Variants in ZNF710 observed in about 807,000 individuals in gnomAD.
ZNF710 encodes the protein zinc finger protein 710.
Under a neutral mutation model 50.6 loss-of-function variants are expected in ZNF710, and 13 were observed. The observed-to-expected ratio is 0.26, with a 90% CI of 0.17 to 0.41. ZNF710 has a LOEUF of 0.41. ZNF710 is among the 10% of genes least tolerant of loss of function. ZNF710 has a pLI of 1.00. For synonymous variants in ZNF710, 383 were observed against 397.0 expected, an observed-to-expected ratio of 0.96 and a Z score of 0.42; for missense variants, 721 against 936.6, an observed-to-expected ratio of 0.77 and a Z score of 3.01.
At chr15:90,050,822 CACT>C (rs1284402527) in intron 1 of ZNF710, among the ~76,000 whole-genome samples, 22 of 151,954 alleles carry the variant, frequency 1.4e-4, no homozygotes, top group Non-Finnish European at 1.5e-5. Context: ...TGATATTTTC[CACT>C]ACTATTTTGT....
intron 1 of ZNF710, among the ~76,000 whole-genome samples, chr15:90,019,059 G>A (rs1326466403): frequency 6.6e-6 from 1 of 151,012 alleles, no homozygotes; most frequent in Non-Finnish European, 1.5e-5. Flanking sequence ...GGGACTATAA[G>A]TAGGCAAAAA....
chr15:90,010,674 T>C (rs1898273772), intron 1 of ZNF710, among the ~76,000 whole-genome samples: 1 of 152,200 alleles, frequency 6.6e-6, no homozygotes, highest in African/African-American at 2.4e-5. Context: ...GTTCATTCTT[T>C]TGAATTGATT....
intron 2 of ZNF710, among the ~76,000 whole-genome samples, chr15:90,071,408 ACTC>A (rs1302983360): frequency 6.6e-6 from 1 of 151,772 alleles, no homozygotes; most frequent in African/African-American, 2.4e-5. Context: ...TATAAAAGAA[ACTC>A]CTGAATGGCA....
rs568677687 is a variant in ZNF710 at position 90,079,447 on chromosome 15, C to G, written c.1826-213C>G. Among the ~76,000 whole-genome samples the G allele has an allele frequency of 4.6e-5, 7 of 152,358 alleles. No individual in the cohort carries two copies. In the East Asian group the frequency reaches 9.6e-4, roughly 21 times the overall value. The stretch of plus-strand genomic sequence containing the variant: ...CCCTCACTGATAGCACCCACTCCCC[C>G]ACACTCAGCTTTGGGGCCTAGGTCT... On this transcript the variant is annotated intron_variant, in intron 4 of 4. Transcript: ENST00000268154.
intron 4 of ZNF710, chr15:90,074,723 A>G (rs1168511342): frequency 1.7e-5 from 6 of 354,690 alleles, no homozygotes; most frequent in Non-Finnish European, 3.2e-5. Flanking sequence ...ATAATATTTC[A>G]AATAAGTGTA....
chr15:90,042,846 G>A (rs1368884040), intron 1 of ZNF710, among the ~76,000 whole-genome samples: 3 of 152,256 alleles, frequency 2.0e-5, no homozygotes, highest in African/African-American at 7.2e-5. Flanking sequence ...CACGTATATT[G>A]CACCCAGCCT....
rs1900057116 is a variant in ZNF710, at chr15:90,062,975, A to T, written c.-28-4135A>T. 6.6e-6 allele frequency among the ~76,000 whole-genome samples: 1 copy of T among 152,136 alleles called. No individual in the cohort carries two copies. The highest frequency in any genetic ancestry group is 1.5e-5 in the Non-Finnish European group (1 of 68,016). On this transcript the variant is annotated intron_variant, in intron 1 of 4. Transcript: ENST00000268154. The surrounding 1 kb of genome is among the most constrained non-coding windows in gnomAD (Gnocchi z 5.6). ...TTCTACTCAGCCAAGTCTCCAGGCC[A>T]GTGTAAAAGAAAGCGTGGGGCCAAC...
At chr15:90,064,646 C>T (rs551224693) in intron 1 of ZNF710, among the ~76,000 whole-genome samples, 1 of 152,270 alleles carries the variant, frequency 6.6e-6, no homozygotes, top group South Asian at 2.1e-4. Context: ...CACCACCACG[C>T]CCGGCTAATT....
At chr15:90,027,990 T>C (rs1898828725) in intron 1 of ZNF710, among the ~76,000 whole-genome samples, 1 of 152,232 alleles carries the variant, frequency 6.6e-6, no homozygotes, top group Non-Finnish European at 1.5e-5. Context: ...AGATACTAAA[T>C]TGAGTTAATA....
chr15:90,062,262 C>A lies in ZNF710; in HGVS notation c.-28-4848C>A, dbSNP rs187110088. On this transcript the variant is annotated intron_variant, in intron 1 of 4. Transcript: ENST00000268154. The surrounding 1 kb of genome is among the most constrained non-coding windows in gnomAD (Gnocchi z 5.6). The stretch of plus-strand genomic sequence containing the variant: ...TGATATGTCCTCCCTTCCCCCACTC[C>A]CAGCACAACTACAATCAGGCAGCTC... 1.1e-3 allele frequency among the ~76,000 whole-genome samples: 170 copies of A among 151,896 alleles called. 2 individuals are homozygous for A. The highest frequency in any genetic ancestry group is 0.011 in the Admixed American group (166 of 15,266).
chr15:90,039,182 G>A (rs1406200857), intron 1 of ZNF710, among the ~76,000 whole-genome samples: 1 of 152,156 alleles, frequency 6.6e-6, no homozygotes, highest in Non-Finnish European at 1.5e-5. Context: ...GGGAGGCTGA[G>A]GCAGGAGAAT....
At chr15:90,026,251 AAAC>A (rs1268152862) in intron 1 of ZNF710, among the ~76,000 whole-genome samples, 22 of 117,536 alleles carry the variant, frequency 1.9e-4, no homozygotes, top group African/African-American at 4.3e-4. Flanking sequence ...AAAAAAAACA[AAAC>A]AACAACAACA....
chr15:90,000,849 G>A (rs967130680), upstream of ZNF710, among the ~76,000 whole-genome samples: 6 of 152,150 alleles, frequency 3.9e-5, no homozygotes, highest in East Asian at 3.9e-4. Flanking sequence ...GGACGCCCCT[G>A]GCTTCCCTTG....
intron 1 of ZNF710, among the ~76,000 whole-genome samples, chr15:90,011,963 T>C (rs1402508795): frequency 6.6e-6 from 1 of 152,156 alleles, no homozygotes; most frequent in Non-Finnish European, 1.5e-5. Context: ...CCCCAGCACT[T>C]TGGGAGGCTG....
intron 1 of ZNF710, among the ~76,000 whole-genome samples, chr15:90,060,182 C>T (rs930805855): frequency 6.6e-6 from 1 of 152,030 alleles, no homozygotes; most frequent in African/African-American, 2.4e-5. Context: ...GTCAACTCCC[C>T]AAGGGTGAGA....
At chr15:90,071,261 TAAA>T (rs5814409) in intron 2 of ZNF710, among the ~76,000 whole-genome samples, 5 of 142,270 alleles carry the variant, frequency 3.5e-5, no homozygotes, top group Admixed American at 7.0e-5. Flanking sequence ...GACTCTGTCT[TAAA>T]AAAAAAAAAA....
chr15:90,034,856 AAG>A lies in ZNF710; in HGVS notation c.-28-32250_-28-32249del, dbSNP rs557982295. 1.2e-3 allele frequency among the ~76,000 whole-genome samples: 186 copies of A among 152,290 alleles called. 5 individuals are homozygous for A. In the South Asian group the frequency reaches 0.029, roughly 24 times the overall value. ...TCCACATCGCCCCAAGGTCGGGCTG[AAG>A]AGATTTGGATCTTCTGAGTTGCAAG... is the stretch of plus-strand genomic sequence containing the variant. On this transcript the variant is annotated intron_variant, in intron 1 of 4. Coordinates refer to ENST00000268154, the MANE Select transcript of ZNF710 (RefSeq NM_198526.4). This position sits in a 1 kb window ranked among gnomAD's most constrained non-coding sequence, Gnocchi z 4.0.
chr15:90,032,067 G>T (rs1898964667), intron 1 of ZNF710, among the ~76,000 whole-genome samples: 1 of 152,220 alleles, frequency 6.6e-6, no homozygotes, highest in African/African-American at 2.4e-5. Context: ...CGCGATCTCA[G>T]CTCACTGCAA....
intron 1 of ZNF710, among the ~76,000 whole-genome samples, chr15:90,006,410 T>C (rs1898142602): frequency 6.6e-6 from 1 of 152,248 alleles, no homozygotes; most frequent in Non-Finnish European, 1.5e-5. Context: ...TGGCCCAGCC[T>C]GTTCCAGACC....
Sources: allele counts gnomAD v4.1 joint callset (sites outside exome capture counted in the v4.1 genomes callset), GRCh38; gene constraint gnomAD v4.1.1; non-coding constraint Gnocchi (gnomAD v3.1); transcripts MANE v1.5; gene names NCBI Gene and HGNC (gene_info 2026-07-23, HGNC 2026-07-21).